SMC5: variants seen among roughly 807,000 people sequenced by gnomAD.
SMC5 encodes the protein structural maintenance of chromosomes 5.
In SMC5, 88 loss-of-function variants were observed where a neutral mutation model predicts 148.3. That is an observed-to-expected ratio of 0.59 (90% CI 0.50 to 0.71). SMC5 has a LOEUF of 0.71. Ranked by LOEUF, SMC5 falls within the 30% of genes least tolerant of loss-of-function variation. The probability of loss-of-function intolerance (pLI) is 0.00; values close to 1 mark genes in which losing one functional copy is unlikely to be tolerated. For missense variants in SMC5, 1,142 were observed against 1,298.9 expected, an observed-to-expected ratio of 0.88 and a Z score of 1.86; for synonymous variants, 421 against 432.8, an observed-to-expected ratio of 0.97 and a Z score of 0.34.
rs1265926577 is a variant in SMC5 at position 70,353,190 on chromosome 9, A to G, written c.*859A>G. 1 of 152,116 alleles carries G rather than the reference A, an allele frequency of 6.6e-6. No individual in the cohort carries two copies. The highest frequency in any genetic ancestry group is 2.4e-5 in the African/African-American group (1 of 41,452). 9.4% of individuals were successfully genotyped at this position (152,116 alleles called of 1,614,324 possible). ...TTAGTAAGATTTTTCTTAAAATTTC[A>G]TATACTGGTTTCTACAATTTATATT... On this transcript the variant is annotated 3_prime_UTR_variant, in exon 25 of 25. Transcript: ENST00000361138.
intron 8 of SMC5, among the ~76,000 whole-genome samples, chr9:70,288,890 T>C (rs1206133490): frequency 1.3e-5 from 2 of 152,220 alleles, no homozygotes; most frequent in African/African-American, 4.8e-5. Context: ...CTATTCTTCA[T>C]GTATTTGAAA....
Position 70,325,175 on chromosome 9 carries a change from T to G in SMC5, c.2397+1032T>G, listed in dbSNP as rs535741181. Among the ~76,000 whole-genome samples, 13 of 152,332 alleles carry G rather than the reference T, an allele frequency of 8.5e-5. No homozygotes were observed. In the East Asian group the frequency reaches 2.1e-3, roughly 25 times the overall value. On this transcript the variant is annotated intron_variant, in intron 17 of 24. Transcript: ENST00000361138. ...TCATACAGTTGATCTTTGTGGCATT[T>G]TCTATCCCCATCCTGAGTCATATTC...
intron 17 of SMC5, among the ~76,000 whole-genome samples, chr9:70,331,465 G>T (rs1394100173): frequency 4.0e-5 from 6 of 151,228 alleles, no homozygotes; most frequent in Admixed American, 3.3e-4. Context: ...AGAAATTATT[G>T]ATAATGTTTT....
At chr9:70,350,031 CAGTTA>C in intron 22 of SMC5, 78 bp from the exon 23 acceptor site, 2 of 954,822 alleles carry the variant, frequency 2.1e-6, no homozygotes. Context: ...TACTCTTACT[CAGTTA>C]ATTCAATCCA....
chr9:70,340,999 AT>A (rs902839948), intron 17 of SMC5, among the ~76,000 whole-genome samples: 3 of 152,258 alleles, frequency 2.0e-5, no homozygotes, highest in South Asian at 2.1e-4. Flanking sequence ...CAGATGGAGT[AT>A]TTTCTATTCT....
rs1321944767 is a variant in SMC5, at chr9:70,264,366, G to C, written c.248G>C (p.Gly83Ala). ...TTGAATATGATCGTTGGAGCCAATG[G>C]AACAGGGAAGTCGAGCATTGTGTGT... ...PHLNMIVGAN[G>A]TGKSSIVCAI... The change falls in exon 2 of 25, where the codon GGA becomes GCA. Residue 83 changes from glycine to alanine, a missense_variant. Physicochemically the swap from Gly to Ala is moderately conservative, Grantham distance 60 (BLOSUM62 0). Around this residue, in one of 5 missense-constraint regions of SMC5, gnomAD observed 297 missense variants for 302.6 expected, o/e 0.98. Coordinates refer to ENST00000361138, the MANE Select transcript of SMC5 (RefSeq NM_015110.4). 1 of 1,614,054 alleles carries C rather than the reference G, an allele frequency of 6.2e-7. No individual in the cohort carries two copies. The highest frequency in any genetic ancestry group is 8.5e-7 in the Non-Finnish European group (1 of 1,179,948).
intron 11 of SMC5, among the ~76,000 whole-genome samples, 160 bp downstream of exon 11, chr9:70,305,520 T>C (rs2035473917): frequency 1.3e-5 from 2 of 152,194 alleles, no homozygotes; most frequent in South Asian, 4.1e-4. Flanking sequence ...ATTTATGGCA[T>C]TGTGGGTCAA....
At chr9:70,286,154 A>C (rs1443328514) in intron 7 of SMC5, 46 bp from the exon 8 acceptor site, 1 of 1,263,684 alleles carries the variant, frequency 7.9e-7, no homozygotes, top group Non-Finnish European at 1.2e-6. Flanking sequence ...TGCTTGCATG[A>C]GTTTTTAACT....
chr9:70,301,408 C>T (rs1299682704), intron 10 of SMC5, among the ~76,000 whole-genome samples: 1 of 152,106 alleles, frequency 6.6e-6, no homozygotes, highest in East Asian at 1.9e-4. Context: ...CTTTTTTACC[C>T]TTTTCAGACT....
intron 10 of SMC5, among the ~76,000 whole-genome samples, chr9:70,301,507 A>G (rs749111827): frequency 6.6e-5 from 10 of 152,192 alleles, no homozygotes; most frequent in Non-Finnish European, 1.3e-4. Context: ...TGCCCCTACC[A>G]TCATACACAA....
At chr9:70,330,038 A>G (rs145853328) in intron 17 of SMC5, among the ~76,000 whole-genome samples, 3 of 152,256 alleles carry the variant, frequency 2.0e-5, no homozygotes, top group South Asian at 2.1e-4. Flanking sequence ...ATCCACCCTC[A>G]TGAGCCAATC....
chr9:70,320,326 A>C (rs2035911332), intron 15 of SMC5, among the ~76,000 whole-genome samples: 1 of 152,330 alleles, frequency 6.6e-6, no homozygotes, highest in East Asian at 1.9e-4. Flanking sequence ...TGTGAGGCCA[A>C]GGCGGAAGGA....
At chr9:70,286,004 A>T (rs2034889614) in intron 7 of SMC5, among the ~76,000 whole-genome samples, 196 bp from the exon 8 acceptor site, 1 of 152,208 alleles carries the variant, frequency 6.6e-6, no homozygotes, top group Non-Finnish European at 1.5e-5. Flanking sequence ...GTATTACTGC[A>T]ACTGTTTATT....
Position 70,277,226 on chromosome 9 carries a change from T to C in SMC5, c.381-84T>C, listed in dbSNP as rs1587629293. On this transcript the variant is annotated intron_variant, in intron 3 of 24. Transcript: ENST00000361138. ...AATAATAATTCTATCTGGCACCTTT[T>C]GTGCAAGAGAATTTTGGGAATTTTA... 7.7e-6 allele frequency: 8 copies of C among 1,033,408 alleles called. No individual in the cohort carries two copies. In the East Asian group the frequency reaches 2.5e-4, roughly 33 times the overall value. 64.0% of individuals were successfully genotyped at this position (1,033,408 alleles called of 1,614,324 possible).
At chr9:70,265,029 A>T (rs1403124593) in intron 2 of SMC5, among the ~76,000 whole-genome samples, 1 of 152,238 alleles carries the variant, frequency 6.6e-6, no homozygotes, top group Non-Finnish European at 1.5e-5. Flanking sequence ...AATACAGTGT[A>T]AAAGATAAAA....
At chr9:70,335,943 C>G (rs576404044) in intron 17 of SMC5, among the ~76,000 whole-genome samples, 1 of 152,290 alleles carries the variant, frequency 6.6e-6, no homozygotes, top group African/African-American at 2.4e-5. Flanking sequence ...AGTAACATAA[C>G]ATCCATGTGT....
chr9:70,297,821 T>C, intron 8 of SMC5, 145 bp from the exon 9 acceptor site: 1 of 840,168 alleles, frequency 1.2e-6, no homozygotes, highest in Non-Finnish European at 1.9e-6. Flanking sequence ...ACTGGTAATG[T>C]GCTAGTCTAA....
chr9:70,328,063 C>T (rs2036126983), intron 17 of SMC5, among the ~76,000 whole-genome samples: 1 of 152,088 alleles, frequency 6.6e-6, no homozygotes, highest in Non-Finnish European at 1.5e-5. Context: ...CAAGGGGAAT[C>T]CGCCCCCATT....
At chr9:70,305,381 C>A (rs768261847) in intron 11 of SMC5, 21 bp downstream of exon 11, 2 of 1,292,320 alleles carry the variant, frequency 1.5e-6, no homozygotes, top group Non-Finnish European at 2.2e-6. Flanking sequence ...ACCAACACAA[C>A]ACTTTGATTC....
Sources: gnomAD v4.1 joint callset for allele counts (sites outside exome capture counted in the v4.1 genomes callset) on GRCh38, gnomAD v4.1.1 for gene constraint, gnomAD v4.1.1 regional missense constraint, MANE v1.5 for transcripts, NCBI Gene and HGNC (gene_info 2026-07-23, HGNC 2026-07-21) for gene names.